HEATR4: variants seen among roughly 807,000 people sequenced by gnomAD.
HEATR4 encodes the protein HEAT repeat containing 4.
A neutral mutation model predicts 108.8 loss-of-function variants in HEATR4; 95 were observed. The observed-to-expected ratio is 0.87, with a 90% CI of 0.74 to 1.04. The LOEUF is 1.04. Among genes scored for constraint, HEATR4 ranks in the 50% least tolerant of loss-of-function variants. The probability of loss-of-function intolerance (pLI) is 0.00; values close to 1 mark genes in which losing one functional copy is unlikely to be tolerated. For synonymous variants in HEATR4, 443 were observed against 459.4 expected (o/e 0.96, Z 0.46); for missense variants, 1,152 against 1,253.8 (o/e 0.92, Z 1.23).
the HEATR4 span, among the ~76,000 whole-genome samples, chr14:73,573,927 A>G: frequency 6.6e-6 from 1 of 152,014 alleles, no homozygotes; most frequent in South Asian, 2.1e-4. Flanking sequence ...GGGTTTCACA[A>G]TATTGGTCAG....
At chr14:73,612,695 G>C in the HEATR4 span, 1 of 1,405,090 alleles carries the variant, frequency 7.1e-7, no homozygotes, top group South Asian at 1.5e-5. Context: ...GCGCGACGAA[G>C]AGGGCGCGCT....
the HEATR4 span, among the ~76,000 whole-genome samples, chr14:73,616,324 ATTATTATTT>A: frequency 6.1e-4 from 92 of 151,674 alleles, no homozygotes; most frequent in African/African-American, 2.0e-3. Context: ...TATTATTATT[ATTATTATTT>A]TTGAGATAGA....
At chr14:73,493,164 A>C in intron 16 of HEATR4, 40 bp from the exon 17 acceptor site, 1 of 1,554,012 alleles carries the variant, frequency 6.4e-7, no homozygotes, top group East Asian at 2.2e-5. Flanking sequence ...AGGTGGAAAA[A>C]AAACCCTTGA....
chr14:73,522,125 C>T (rs1566840339), intron 3 of HEATR4, 147 bp downstream of exon 3: 1 of 856,124 alleles, frequency 1.2e-6, no homozygotes, highest in Non-Finnish European at 1.8e-6. Context: ...CCTTACTTTG[C>T]AGAGCTCTCA....
intron 17 of HEATR4, among the ~76,000 whole-genome samples, chr14:73,490,460 G>C (rs1200018409): frequency 6.6e-6 from 1 of 152,168 alleles, no homozygotes; most frequent in Admixed American, 6.5e-5. Context: ...GACTACAGGC[G>C]CCCAGCACCA....
the HEATR4 span, among the ~76,000 whole-genome samples, chr14:73,608,878 T>A: frequency 6.6e-6 from 1 of 152,112 alleles, no homozygotes; most frequent in African/African-American, 2.4e-5. Context: ...AGCAAACATG[T>A]CCTTCACATG....
chr14:73,625,052 TTTTATTTA>T, the HEATR4 span, among the ~76,000 whole-genome samples: 100 of 152,038 alleles, frequency 6.6e-4, no homozygotes, highest in African/African-American at 2.1e-3. Context: ...CTTTTCATTA[TTTTATTTA>T]TTTATTTATT....
chr14:73,549,133 A>G lies in HEATR4; in HGVS notation c.-152+9618T>C, dbSNP rs111349913. Among the ~76,000 whole-genome samples, 20 of 114,558 alleles carry G rather than the reference A, an allele frequency of 1.7e-4. 6 individuals carry two copies. In the East Asian group the frequency reaches 4.2e-3, roughly 24 times the overall value. The allele number at this position is 114,558 out of a possible 152,430, so 75.2% of individuals were successfully genotyped here. On this transcript the variant is annotated intron_variant, in intron 1 of 17. Transcript: ENST00000553558. ...TGCTGAGGGCCTGTTCCTCATAGAT[A>G]GCACCATCTTGTGTCCTACCTAGTG...
At chr14:73,629,937 A>G in the HEATR4 span, among the ~76,000 whole-genome samples, 10 of 151,920 alleles carry the variant, frequency 6.6e-5, no homozygotes, top group South Asian at 1.0e-3. Flanking sequence ...GTGAACCACC[A>G]CACCCGGCCC....
At position 73,511,996 on chromosome 14, in the gene HEATR4, T is replaced by C; in HGVS notation, c.1558+10A>G. The C allele has an allele frequency of 6.2e-7, 1 of 1,613,854 alleles. No individual in the cohort carries two copies. The highest frequency in any genetic ancestry group is 8.5e-7 in the Non-Finnish European group (1 of 1,179,864). On this transcript the variant is annotated intron_variant, in intron 7 of 17. Transcript: ENST00000553558. ...CTTATGTTCTCAAGCAGTTCAGCTT[T>C]GGCTCTCACCTGAGTCTCTCTGGCT...
the HEATR4 span, among the ~76,000 whole-genome samples, chr14:73,628,384 C>G: frequency 6.6e-6 from 1 of 152,132 alleles, no homozygotes; most frequent in Non-Finnish European, 1.5e-5. Flanking sequence ...TCAAGCAATC[C>G]TCCCATCTCA....
At chr14:73,612,787 C>T in the HEATR4 span, 157 of 1,363,898 alleles carry the variant, frequency 1.2e-4, no homozygotes, top group African/African-American at 2.1e-3. Context: ...GAGGCAGCTT[C>T]GCGGGGCTCC....
At chr14:73,614,361 C>T in the HEATR4 span, among the ~76,000 whole-genome samples, 1 of 152,134 alleles carries the variant, frequency 6.6e-6, no homozygotes, top group Admixed American at 6.6e-5. Context: ...ACTGTGAATT[C>T]CTGGGGCTGG....
chr14:73,502,650 C>T (rs764412315), intron 11 of HEATR4, among the ~76,000 whole-genome samples: 39 of 152,124 alleles, frequency 2.6e-4, no homozygotes, highest in African/African-American at 5.1e-4. Flanking sequence ...CAGGTTCAAG[C>T]GATTCTCCTG....
chr14:73,525,917 C>T (rs576200424), intron 2 of HEATR4, among the ~76,000 whole-genome samples: 9 of 150,328 alleles, frequency 6.0e-5, no homozygotes, highest in East Asian at 3.9e-4. Flanking sequence ...GGTGCCACTG[C>T]GCTCCAGCCT....
upstream of HEATR4, among the ~76,000 whole-genome samples, chr14:73,560,623 C>T (rs1182862872): frequency 3.4e-5 from 5 of 148,522 alleles, no homozygotes; most frequent in African/African-American, 1.2e-4. Flanking sequence ...GATTGGGCCA[C>T]TGCACTCCAG....
chr14:73,580,548 A>G, the HEATR4 span: 8 of 152,046 alleles, frequency 5.3e-5, no homozygotes, highest in Admixed American at 1.3e-4. Context: ...GGAGCTTTTG[A>G]AGAGAGAGTT....
Position 73,484,526 on chromosome 14 carries a change from A to G in HEATR4, c.2845-5684T>C, listed in dbSNP as rs533209384. 2.0e-5 allele frequency among the ~76,000 whole-genome samples: 3 copies of G among 151,872 alleles called. No individual in the cohort carries two copies. In the East Asian group the frequency reaches 5.9e-4, roughly 30 times the overall value. On this transcript the variant is annotated intron_variant, in intron 17 of 17. Transcript: ENST00000553558. ...CCTGAGTAGCTGGGATTATAGGCAC[A>G]TGCCACCACACCCGGCTAATTTTTG...
At chr14:73,584,915 G>C in the HEATR4 span, among the ~76,000 whole-genome samples, 1 of 151,558 alleles carries the variant, frequency 6.6e-6, no homozygotes. Context: ...AAACACTCCA[G>C]TGTCCCCCAC....
Sources: gnomAD v4.1 joint callset for allele counts (sites outside exome capture counted in the v4.1 genomes callset) on GRCh38, gnomAD v4.1.1 for gene constraint, MANE v1.5 for transcripts, NCBI Gene and HGNC (gene_info 2026-07-23, HGNC 2026-07-21) for gene names.